Variants in SLC44A5 observed in about 807,000 individuals in gnomAD.
SLC44A5 encodes the protein choline transporter-like protein 5.
In SLC44A5, 57 loss-of-function variants were observed where a neutral mutation model predicts 101.8. The observed-to-expected ratio is 0.56, with a 90% CI of 0.45 to 0.70. The LOEUF is 0.70. SLC44A5 is among the 30% of genes least tolerant of loss of function. The pLI, the probability that SLC44A5 is intolerant of heterozygous loss-of-function variation, is 0.00. For missense variants in SLC44A5, 737 were observed against 853.1 expected, an observed-to-expected ratio of 0.86 and a Z score of 1.70; for synonymous variants, 281 against 290.9, an observed-to-expected ratio of 0.97 and a Z score of 0.35.
intron 6 of SLC44A5, among the ~76,000 whole-genome samples, chr1:75,271,497 T>TTTTTGTGTGTGTGTGTGTG: frequency 6.8e-6 from 1 of 146,400 alleles, no homozygotes; most frequent in South Asian, 2.2e-4. Flanking sequence ...TCTGCATGTT[T>TTTTTGTGTGTGTGTGTGTG]TGTGTGTGTG....
chr1:75,300,444 T>C (rs1654363172), intron 5 of SLC44A5, among the ~76,000 whole-genome samples, 168 bp downstream of exon 5: 1 of 152,194 alleles, frequency 6.6e-6, no homozygotes, highest in African/African-American at 2.4e-5. Context: ...GTTCATTTTT[T>C]ATTGTCTGCT....
intron 2 of SLC44A5, among the ~76,000 whole-genome samples, chr1:75,505,792 T>C (rs191006672): frequency 4.6e-5 from 7 of 152,312 alleles, no homozygotes; most frequent in Non-Finnish European, 1.0e-4. Flanking sequence ...TTTTCTCCTA[T>C]TCTGTGTGTT....
intron 2 of SLC44A5, chr1:75,522,035 T>A: frequency 6.6e-6 from 1 of 152,454 alleles, no homozygotes; most frequent in Non-Finnish European, 1.5e-5. Flanking sequence ...ACACTCACAG[T>A]GCCCAGGAAA....
chr1:75,300,227 T>C (rs1206015004), intron 5 of SLC44A5, among the ~76,000 whole-genome samples: 1 of 151,970 alleles, frequency 6.6e-6, no homozygotes, highest in African/African-American at 2.4e-5. Context: ...AATTTGCTTA[T>C]AAAAAGAAAA....
chr1:75,225,245 A>G (rs1321437216), intron 13 of SLC44A5, among the ~76,000 whole-genome samples: 2 of 152,230 alleles, frequency 1.3e-5, no homozygotes, highest in Non-Finnish European at 2.9e-5. Context: ...CAGCAGAGTA[A>G]CATGCTGTAT....
chr1:75,480,327 C>T (rs564748138), intron 2 of SLC44A5, among the ~76,000 whole-genome samples: 1 of 152,296 alleles, frequency 6.6e-6, no homozygotes, highest in East Asian at 1.9e-4. Context: ...GAAGCATTCC[C>T]TTTGAAAACT....
At chr1:75,706,644 G>A in the SLC44A5 span, among the ~76,000 whole-genome samples, 2 of 151,894 alleles carry the variant, frequency 1.3e-5, no homozygotes, top group African/African-American at 2.4e-5. Context: ...TATTTTCAAT[G>A]TTTCTGTATT....
At chr1:75,581,405 A>C (rs529215366) in intron 1 of SLC44A5, among the ~76,000 whole-genome samples, 2 of 152,378 alleles carry the variant, frequency 1.3e-5, no homozygotes, top group East Asian at 3.9e-4. Context: ...AAAAGGCTTA[A>C]GCCATTATGG....
At chr1:75,454,889 G>A (rs1319079088) in intron 2 of SLC44A5, among the ~76,000 whole-genome samples, 1 of 151,642 alleles carries the variant, frequency 6.6e-6, no homozygotes, top group African/African-American at 2.4e-5. Context: ...ATAGAGATAT[G>A]ATGCAAAAAC....
chr1:75,435,426 A>G (rs960555820), intron 2 of SLC44A5, among the ~76,000 whole-genome samples: 9 of 152,142 alleles, frequency 5.9e-5, no homozygotes, highest in African/African-American at 9.6e-5. Context: ...CCTTGGGGGG[A>G]AAAAGGAGCC....
At chr1:75,410,207 A>T (rs2101501982) in intron 2 of SLC44A5, among the ~76,000 whole-genome samples, 1 of 152,276 alleles carries the variant, frequency 6.6e-6, no homozygotes, top group Middle Eastern at 3.4e-3. Flanking sequence ...GCAGAGAAAT[A>T]TAACGCACAA....
chr1:75,413,395 C>T (rs1400608187), intron 2 of SLC44A5, among the ~76,000 whole-genome samples: 1 of 152,122 alleles, frequency 6.6e-6, no homozygotes, highest in Non-Finnish European at 1.5e-5. Context: ...CCATTTACAT[C>T]TATAATTCTT....
chr1:75,264,463 A>G (rs747660229), intron 6 of SLC44A5, among the ~76,000 whole-genome samples: 7 of 152,274 alleles, frequency 4.6e-5, no homozygotes, highest in Non-Finnish European at 1.0e-4. Flanking sequence ...AGACCACAAT[A>G]GAATACAATT....
chr1:75,413,289 C>T (rs773462717), intron 2 of SLC44A5, among the ~76,000 whole-genome samples: 159 of 152,106 alleles, frequency 1.0e-3, no homozygotes, highest in Non-Finnish European at 9.0e-4. Flanking sequence ...AGATAAATGA[C>T]CCTTGTATAT....
chr1:75,291,603 C>T (rs556643315), intron 5 of SLC44A5, among the ~76,000 whole-genome samples: 12 of 152,050 alleles, frequency 7.9e-5, no homozygotes, highest in Admixed American at 2.0e-4. Context: ...ACCTCAAAAA[C>T]GAATAGAGGC....
chr1:75,274,692 G>A (rs1440865918), intron 6 of SLC44A5, among the ~76,000 whole-genome samples: 1 of 152,034 alleles, frequency 6.6e-6, no homozygotes, highest in Non-Finnish European at 1.5e-5. Context: ...AAAATCATTG[G>A]TCCAATCTAT....
chr1:75,272,733 T>C (rs1638295547), intron 6 of SLC44A5, among the ~76,000 whole-genome samples: 1 of 152,034 alleles, frequency 6.6e-6, no homozygotes, highest in East Asian at 1.9e-4. Context: ...TCTCTATTCT[T>C]TTCCATTGGT....
At chr1:75,214,457 T>C (rs1646921370) in intron 20 of SLC44A5, 148 bp downstream of exon 20, 3 of 596,874 alleles carry the variant, frequency 5.0e-6, no homozygotes, top group African/African-American at 1.9e-5. Context: ...AAATTAATGG[T>C]ATGAGAGAGA....
At chr1:75,479,983 C>T (rs1299796304) in intron 2 of SLC44A5, among the ~76,000 whole-genome samples, 1 of 152,182 alleles carries the variant, frequency 6.6e-6, no homozygotes, top group Non-Finnish European at 1.5e-5. Context: ...CCTTGATGAA[C>T]ATTGATGCAA....
Sources: allele counts gnomAD v4.1 joint callset (sites outside exome capture counted in the v4.1 genomes callset), GRCh38; gene constraint gnomAD v4.1.1; transcripts MANE v1.5; gene names NCBI Gene and HGNC (gene_info 2026-07-23, HGNC 2026-07-21).